The following TMEM234 variants were observed in gnomAD, a reference collection of about 807,000 sequenced individuals.
The protein encoded by TMEM234 is chromosome 1 open reading frame 91.
In TMEM234, 21 loss-of-function variants were observed where a neutral mutation model predicts 17.8. That is an observed-to-expected ratio of 1.18 (90% CI 0.84 to 1.70). TMEM234 has a LOEUF of 1.70. TMEM234 is among the 40% of genes most tolerant of loss of function. TMEM234 has a pLI of 0.00. For synonymous variants in TMEM234, 83 were observed against 73.5 expected, an observed-to-expected ratio of 1.13 and a Z score of -0.66; for missense variants, 137 against 166.9, an observed-to-expected ratio of 0.82 and a Z score of 0.99.
downstream of TMEM234, chr1:32,215,722 G>T (rs976859209): frequency 8.0e-7 from 1 of 1,250,696 alleles, no homozygotes; most frequent in African/African-American, 1.5e-5. Context: ...TCCTTCCTTG[G>T]GGTTGGGGAC....
downstream of TMEM234, chr1:32,214,995 C>T: frequency 6.3e-7 from 1 of 1,594,998 alleles, no homozygotes; most frequent in East Asian, 2.2e-5. Flanking sequence ...TAGGTTGGTC[C>T]CTGCTGTTGT....
At chr1:32,214,509 C>T (rs1643718234), downstream of TMEM234, 2 of 413,066 alleles carry the variant, frequency 4.8e-6, no homozygotes, top group Non-Finnish European at 8.9e-6. Flanking sequence ...AGCTCTAAGC[C>T]CTCCCAAGAA....
rs779469694 is a variant in TMEM234 at position 32,216,654 on chromosome 1, A to G, written c.*199T>C. ...AGAGTCTCCTGTGCTAAATCCCCGCAGCTGAACAGCACTTGAAGGTTACAA... is the reference window on the plus strand; with the variant it reads ...AGAGTCTCCTGTGCTAAATCCCCGCGGCTGAACAGCACTTGAAGGTTACAA... On this transcript the variant is annotated 3_prime_UTR_variant, in exon 5 of 5. Transcript: ENST00000309777. The G allele has an allele frequency of 3.6e-5, 54 of 1,508,222 alleles. No homozygotes were observed. Among genetic ancestry groups the G allele is most frequent in the Non-Finnish European group, 3.6e-6 (4 of 1,123,170 alleles). The allele number at this position is 1,508,222 out of a possible 1,614,324, so 93.4% of individuals were successfully genotyped here. A position where few individuals can be genotyped will look rare whatever the true frequency, so the allele number is the denominator to read the frequency against.
intron 3 of TMEM234, among the ~76,000 whole-genome samples, chr1:32,218,629 C>T (rs1485380937): frequency 6.6e-6 from 1 of 151,888 alleles, no homozygotes; most frequent in Non-Finnish European, 1.5e-5. Flanking sequence ...ATGGAGAAAC[C>T]CCGTCTCTAC....
downstream of TMEM234, chr1:32,215,849 T>C (rs1375202308): frequency 1.9e-6 from 3 of 1,552,912 alleles, no homozygotes; most frequent in Admixed American, 2.0e-5. Context: ...AAAACCAGCC[T>C]GGGGCTGGGG....
intron 3 of TMEM234, 122 bp downstream of exon 3, chr1:32,221,009 A>C: frequency 2.8e-6 from 2 of 720,438 alleles, no homozygotes; most frequent in Non-Finnish European, 2.4e-6. Flanking sequence ...AGAGGGAACT[A>C]GAGCTAGTCA....
downstream of TMEM234, chr1:32,214,620 A>G (rs190890916): frequency 3.6e-6 from 3 of 836,976 alleles, no homozygotes; most frequent in Admixed American, 2.9e-5. Context: ...CTGTCCCTGG[A>G]TAAGTCAGGC....
chr1:32,220,394 C>G (rs1308838972), intron 3 of TMEM234, among the ~76,000 whole-genome samples: 1 of 152,174 alleles, frequency 6.6e-6, no homozygotes, highest in Non-Finnish European at 1.5e-5. Flanking sequence ...CCAGACTGGT[C>G]TCGAACTCCT....
intron 3 of TMEM234, chr1:32,217,638 C>T: frequency 1.6e-6 from 1 of 611,604 alleles, no homozygotes; most frequent in South Asian, 1.6e-5. Context: ...ATCTCAAGGA[C>T]ATCTGGACGG....
rs1277594426 is a variant in TMEM234, at chr1:32,221,428, G to A, written c.169-231C>T. Among the ~76,000 whole-genome samples, 6 of 152,160 alleles carry A rather than the reference G, an allele frequency of 3.9e-5. No individual in the cohort carries two copies. In the East Asian group the frequency reaches 1.2e-3, roughly 29 times the overall value. ...CCTCTGCTAGTTCCCATCCTGCAAGGCCTTGAAGCCAATGTCAGCCCCTCC... is the reference window on the plus strand; with the variant it reads ...CCTCTGCTAGTTCCCATCCTGCAAGACCTTGAAGCCAATGTCAGCCCCTCC... On this transcript the variant is annotated intron_variant, in intron 2 of 4. Transcript: ENST00000309777.
At chr1:32,219,592 G>A (rs1638708413) in intron 3 of TMEM234, among the ~76,000 whole-genome samples, 1 of 151,950 alleles carries the variant, frequency 6.6e-6, no homozygotes, top group Admixed American at 6.6e-5. Context: ...GTTGCCTAGG[G>A]TGATCTCTAG....
intron 3 of TMEM234, among the ~76,000 whole-genome samples, chr1:32,220,039 G>T (rs1638752107): frequency 6.6e-6 from 1 of 152,182 alleles, no homozygotes; most frequent in African/African-American, 2.4e-5. Context: ...GAGATAAAAA[G>T]AACCTAAAAC....
At position 32,221,143 on chromosome 1, in the gene TMEM234, A is replaced by G. The variant is rs770754391; in HGVS notation, c.223T>C (p.Leu75=). ...QCGSLLYYLT[L]ASTDLTLAVP... ...AGCCAGGACCCACCTGTCGATGCCA[A>G]GGTGAGGTAATAGAGAAGGGATCCA... is the stretch of plus-strand genomic sequence containing the variant. The change falls in exon 3 of 5, where the codon TTG becomes CTG. Residue 75 remains leucine (L), a synonymous_variant. Transcript: ENST00000309777. The G allele has an allele frequency of 1.9e-6, 3 of 1,613,654 alleles. No homozygotes were observed. Among genetic ancestry groups the G allele is most frequent in the Middle Eastern group, 1.6e-4 (1 of 6,062 alleles).
intron 3 of TMEM234, among the ~76,000 whole-genome samples, chr1:32,219,178 C>T (rs942719893): frequency 1.3e-5 from 2 of 151,664 alleles, no homozygotes; most frequent in African/African-American, 2.4e-5. Flanking sequence ...GCTGAGTTAT[C>T]CATGGTAACA....
intron 3 of TMEM234, among the ~76,000 whole-genome samples, chr1:32,218,680 G>A (rs571645828): frequency 1.3e-5 from 2 of 152,232 alleles, no homozygotes; most frequent in African/African-American, 2.4e-5. Context: ...GCTCACGCCT[G>A]TAATCCCAGC....
intron 3 of TMEM234, among the ~76,000 whole-genome samples, chr1:32,219,662 T>G (rs1557544965): frequency 6.6e-6 from 1 of 152,272 alleles, no homozygotes; most frequent in East Asian, 1.9e-4. Flanking sequence ...CCTGAGCCAC[T>G]GTGCCCTGCC....
Position 32,221,885 on chromosome 1 carries a change from G to A in TMEM234, c.150C>T (p.Thr50=). Reference sequence around the variant, plus strand: ...GACGCACCTCAGTATTCAAGAAGAGGGTCTTCATCTCCTGTAGCAACTGCT... The same window carrying A: ...GACGCACCTCAGTATTCAAGAAGAGAGTCTTCATCTCCTGTAGCAACTGCT... ...WAQQLLQEMK[T]LFLNTEYLMP... is the part of the protein sequence containing the mutation. The change falls in exon 2 of 5, where the codon ACC becomes ACT. Residue 50 remains threonine, a synonymous_variant. Transcript: ENST00000309777. 1.1e-5 allele frequency: 18 copies of A among 1,612,966 alleles called. No homozygotes were observed. The highest frequency in any genetic ancestry group is 1.5e-5 in the Non-Finnish European group (18 of 1,179,956).
chr1:32,219,329 CCAT>C (rs1441227136), intron 3 of TMEM234, among the ~76,000 whole-genome samples: 2 of 152,182 alleles, frequency 1.3e-5, no homozygotes, highest in Admixed American at 6.6e-5. Flanking sequence ...GAGGCATTAC[CCAT>C]CTAAGAAATT....
At chr1:32,217,011 G>A (rs751173264) in intron 4 of TMEM234, 64 bp from the exon 5 acceptor site, 2 of 1,610,072 alleles carry the variant, frequency 1.2e-6, no homozygotes, top group Non-Finnish European at 1.7e-6. Context: ...GCTGGTACAG[G>A]GCTGGAGGAA....
Sources: gnomAD v4.1 joint callset for allele counts (sites outside exome capture counted in the v4.1 genomes callset) on GRCh38, gnomAD v4.1.1 for gene constraint, MANE v1.5 for transcripts, NCBI Gene and HGNC (gene_info 2026-07-23, HGNC 2026-07-21) for gene names.